Variants in CCDC62 observed in about 807,000 individuals in gnomAD.
CCDC62 encodes the protein coiled-coil domain containing 62.
In CCDC62, 72 loss-of-function variants were observed where a neutral mutation model predicts 80.8. The observed-to-expected ratio is 0.89, with a 90% CI of 0.74 to 1.08. The LOEUF (loss-of-function observed/expected upper bound fraction) is 1.08, where lower values mean the gene tolerates loss of function less well. Ranked by LOEUF, CCDC62 falls within the 50% of genes least tolerant of loss-of-function variation. The probability of loss-of-function intolerance (pLI) is 0.00; values close to 1 mark genes in which losing one functional copy is unlikely to be tolerated. For missense variants in CCDC62, 704 were observed against 809.4 expected (o/e 0.87, Z 1.58); for synonymous variants, 286 against 296.5 (o/e 0.96, Z 0.36).
intron 11 of CCDC62, among the ~76,000 whole-genome samples, chr12:122,814,377 C>T (rs2032078274): frequency 1.3e-5 from 2 of 151,546 alleles, no homozygotes; most frequent in African/African-American, 4.8e-5. Flanking sequence ...TCACCTTTGA[C>T]CACCATCGAT....
chr12:122,786,223 C>T (rs947353421), intron 4 of CCDC62, among the ~76,000 whole-genome samples: 3 of 152,324 alleles, frequency 2.0e-5, no homozygotes, highest in Non-Finnish European at 1.5e-5. Flanking sequence ...TCTCAGCTCG[C>T]TGCAAGCTCC....
intron 11 of CCDC62, among the ~76,000 whole-genome samples, chr12:122,821,203 G>A (rs534660718): frequency 3.3e-5 from 5 of 152,224 alleles, no homozygotes; most frequent in Admixed American, 2.0e-4. Context: ...TTTTCAACAC[G>A]GCTCACTGAG....
rs564968514 is a variant in CCDC62, at chr12:122,795,618, G to T, written c.773-1689G>T. Reference sequence around the variant, plus strand: ...TTTTGTATTTTTTAGTAGAGATGGGGTTTCACCGTGTTAGCCAGGATGGTC... The same window carrying T: ...TTTTGTATTTTTTAGTAGAGATGGGTTTTCACCGTGTTAGCCAGGATGGTC... On this transcript the variant is annotated intron_variant, in intron 6 of 12. Coordinates refer to ENST00000253079, the MANE Select transcript of CCDC62 (RefSeq NM_201435.5). 2.0e-5 allele frequency among the ~76,000 whole-genome samples: 3 copies of T among 152,108 alleles called. No homozygotes were observed. In the East Asian group the frequency reaches 5.8e-4, roughly 30 times the overall value.
chr12:122,795,217 AT>A (rs1481886852), intron 6 of CCDC62, among the ~76,000 whole-genome samples: 2 of 149,950 alleles, frequency 1.3e-5, no homozygotes, highest in East Asian at 4.0e-4. Context: ...CACCTGGCTA[AT>A]TTTTTGTACT....
At chr12:122,807,501 A>G (rs567917858) in intron 10 of CCDC62, among the ~76,000 whole-genome samples, 8 of 139,602 alleles carry the variant, frequency 5.7e-5, no homozygotes, top group Admixed American at 5.4e-4. Flanking sequence ...ATTGCACTCC[A>G]GCCTGGCAAC....
intron 12 of CCDC62, 128 bp downstream of exon 12, chr12:122,823,587 C>G: frequency 1.9e-6 from 1 of 531,008 alleles, no homozygotes. Flanking sequence ...TTTGCTCGAC[C>G]AATTTATGCA....
At chr12:122,823,653 A>G (rs1203098550) in intron 12 of CCDC62, among the ~76,000 whole-genome samples, 194 bp downstream of exon 12, 1 of 151,924 alleles carries the variant, frequency 6.6e-6, no homozygotes, top group East Asian at 1.9e-4. Context: ...AATGCAGATC[A>G]AAAAGTTCTC....
At chr12:122,775,799 G>C (rs961922381) in intron 1 of CCDC62, among the ~76,000 whole-genome samples, 1 of 152,174 alleles carries the variant, frequency 6.6e-6, no homozygotes, top group African/African-American at 2.4e-5. Context: ...TTTTAGTAGA[G>C]ACAGGGTTTC....
chr12:122,806,808 ATTT>A (rs34715872), intron 10 of CCDC62, among the ~76,000 whole-genome samples: 1 of 137,290 alleles, frequency 7.3e-6, no homozygotes. Flanking sequence ...GAAAAATTGT[ATTT>A]TTTTTTTTTT....
In CCDC62 at chr12:122,827,118, T is replaced by C. The variant is rs2032665060; in HGVS notation, c.*737T>C. 1 of 152,226 alleles carries C rather than the reference T, an allele frequency of 6.6e-6. No homozygotes were observed. The highest frequency in any genetic ancestry group is 1.5e-5 in the Non-Finnish European group (1 of 68,046). 9.4% of individuals were successfully genotyped at this position (152,226 alleles called of 1,614,324 possible). A position where few individuals can be genotyped will look rare whatever the true frequency, so the allele number is the denominator to read the frequency against. On this transcript the variant is annotated 3_prime_UTR_variant, in exon 13 of 13. Transcript: ENST00000253079. ...TTCCATTTTAACTTGTAAAGTAATTTAATTTTTTAAAGATTATACTATATG... is the reference window on the plus strand; with the variant it reads ...TTCCATTTTAACTTGTAAAGTAATTCAATTTTTTAAAGATTATACTATATG...
chr12:122,812,813 AAGAAAG>A (rs1322951072), intron 10 of CCDC62, among the ~76,000 whole-genome samples: 1 of 150,044 alleles, frequency 6.7e-6, no homozygotes, highest in Non-Finnish European at 1.5e-5. Flanking sequence ...GAAAGAAAGA[AAGAAAG>A]AAAGAAAGAA....
At chr12:122,804,906 T>C (rs1227458379) in intron 9 of CCDC62, among the ~76,000 whole-genome samples, 1 of 142,250 alleles carries the variant, frequency 7.0e-6, no homozygotes, top group Non-Finnish European at 1.5e-5. Context: ...TTTTTTGAGA[T>C]GAAGTTTCAC....
chr12:122,809,998 C>T lies in CCDC62; in HGVS notation c.1852-3272C>T, dbSNP rs573176156. Among the ~76,000 whole-genome samples the T allele has an allele frequency of 6.8e-4, 104 of 152,250 alleles. 1 individual carries two copies. The highest frequency in any genetic ancestry group is 2.4e-3 in the African/African-American group (98 of 41,538). On this transcript the variant is annotated intron_variant, in intron 10 of 12. Coordinates refer to ENST00000253079, the MANE Select transcript of CCDC62 (RefSeq NM_201435.5). Reference sequence around the variant, plus strand: ...AAGCTGAAACTGGATCCCTTCCTTACACCTTATATAAAAATTAATTCAAGA... The same window carrying T: ...AAGCTGAAACTGGATCCCTTCCTTATACCTTATATAAAAATTAATTCAAGA...
At chr12:122,792,370 G>A (rs1225896556) in intron 6 of CCDC62, among the ~76,000 whole-genome samples, 2 of 151,810 alleles carry the variant, frequency 1.3e-5, no homozygotes, top group African/African-American at 4.8e-5. Flanking sequence ...ACTGGTATGA[G>A]CCACCACGCC....
chr12:122,793,539 G>GA (rs11428891), intron 6 of CCDC62, among the ~76,000 whole-genome samples: 148,579 of 152,014 alleles, frequency 0.98, 72,643 homozygotes, highest in East Asian at 1. Flanking sequence ...AAATTAATGG[G>GA]AAAAAATTGA....
chr12:122,779,906 T>TA (rs1566067335), intron 2 of CCDC62, among the ~76,000 whole-genome samples: 3 of 23,750 alleles, frequency 1.3e-4, no homozygotes, highest in African/African-American at 6.0e-4. Flanking sequence ...AGACTCTGTC[T>TA]CAAAAAAAAA....
chr12:122,826,397 TTG>T (rs2032634840), intron 12 of CCDC62, 23 bp from the exon 13 acceptor site: 1 of 779,278 alleles, frequency 1.3e-6, no homozygotes. Context: ...TTTATTAATG[TTG>T]TGTTTTCTTC....
intron 9 of CCDC62, among the ~76,000 whole-genome samples, chr12:122,803,710 A>T (rs988459032): frequency 1.3e-5 from 2 of 152,218 alleles, no homozygotes; most frequent in Admixed American, 6.5e-5. Context: ...AATTATTTTA[A>T]AAAGTCGGTC....
intron 10 of CCDC62, among the ~76,000 whole-genome samples, chr12:122,811,099 A>T (rs1053537653): frequency 6.6e-6 from 1 of 152,082 alleles, no homozygotes; most frequent in African/African-American, 2.4e-5. Context: ...CAGCACACCA[A>T]CATGGCACAT....
Sources: allele counts gnomAD v4.1 joint callset (sites outside exome capture counted in the v4.1 genomes callset), GRCh38; gene constraint gnomAD v4.1.1; transcripts MANE v1.5; gene names NCBI Gene and HGNC (gene_info 2026-07-23, HGNC 2026-07-21).